Variants in L1TD1 observed in about 807,000 individuals in gnomAD.
L1TD1 encodes LINE1 type transposase domain containing 1.
L1TD1 carries 26 observed loss-of-function variants against 25.7 expected under a neutral mutation model. The ratio of observed to expected loss-of-function variants is 1.01; its 90% CI spans 0.74 to 1.40. The LOEUF (loss-of-function observed/expected upper bound fraction) is 1.40. L1TD1 is among the 40% of genes most tolerant of loss of function. L1TD1 has a pLI of 0.00. For missense variants in L1TD1, 1,130 were observed against 975.0 expected (o/e 1.16, Z -2.12); for synonymous variants, 421 against 335.6 (o/e 1.25, Z -2.78).
rs1275472628 is a variant in L1TD1 at position 62,212,080 on chromosome 1, C to G, written c.*708C>G. ...GTAGGAAAACAGGAGGGGACAGTAACAGAAAAGCACGGGAAAAGATGGCAA... is the reference window on the plus strand; with the variant it reads ...GTAGGAAAACAGGAGGGGACAGTAAGAGAAAAGCACGGGAAAAGATGGCAA... On this transcript the variant is annotated 3_prime_UTR_variant, in exon 4 of 4. Transcript: ENST00000498273. The G allele has an allele frequency of 6.6e-6, 1 of 152,122 alleles. No homozygotes were observed. Among genetic ancestry groups the G allele is most frequent in the African/African-American group, 2.4e-5 (1 of 41,394 alleles). 9.4% of individuals were successfully genotyped at this position (152,122 alleles called of 1,614,324 possible). A position where few individuals can be genotyped will look rare whatever the true frequency, so the allele number is the denominator to read the frequency against.
intron 2 of L1TD1, among the ~76,000 whole-genome samples, chr1:62,205,453 A>T (rs1452582849): frequency 1.4e-4 from 6 of 44,212 alleles, no homozygotes; most frequent in African/African-American, 2.6e-4. Flanking sequence ...ATTTTTTTTT[A>T]GACAGTCTTG....
chr1:62,202,998 A>G (rs1435168740), intron 2 of L1TD1, among the ~76,000 whole-genome samples: 1 of 151,894 alleles, frequency 6.6e-6, no homozygotes, highest in Admixed American at 6.6e-5. Context: ...TGTTTTTTAA[A>G]AAAACTGGAG....
intron 2 of L1TD1, among the ~76,000 whole-genome samples, chr1:62,205,374 T>TCTCTCC (rs1670716796): frequency 2.5e-5 from 2 of 79,506 alleles, no homozygotes; most frequent in African/African-American, 4.7e-5. Context: ...AAACTCTCTT[T>TCTCTCC]CTCTCTCTCT....
Position 62,211,541 on chromosome 1 carries a change from ATGTTT to A in L1TD1, c.*170_*174del. 8.6e-7 allele frequency: 1 copy of A among 1,156,838 alleles called. No homozygotes were observed. The highest frequency in any genetic ancestry group is 1.2e-6 in the Non-Finnish European group (1 of 863,262). 71.7% of individuals were successfully genotyped at this position (1,156,838 alleles called of 1,614,324 possible). On this transcript the variant is annotated 3_prime_UTR_variant, in exon 4 of 4. Transcript: ENST00000498273. ...TATTACCTAGATGTTAATAAAGGGT[ATGTTT>A]AAAAAAAATAGGCTGGTCTCAATGT... is the stretch of plus-strand genomic sequence containing the variant.
Position 62,210,455 on chromosome 1 carries a change from T to C in L1TD1, c.1681T>C (p.Ser561Pro). 2 of 1,614,132 alleles carry C rather than the reference T, an allele frequency of 1.2e-6. No homozygotes were observed. The highest frequency in any genetic ancestry group is 1.7e-6 in the Non-Finnish European group (2 of 1,180,030). Residue 561 changes from serine to proline, a missense_variant, in exon 4 of 4, where the codon TCA becomes CCA. By Grantham distance (74) the Ser-to-Pro change is moderately conservative. Transcript: ENST00000498273. ...CTTATGTTTGGCCTCTCCCTCAAAGTCACTAGAGATGAGTCATGATGAGCA... is the reference window on the plus strand; with the variant it reads ...CTTATGTTTGGCCTCTCCCTCAAAGCCACTAGAGATGAGTCATGATGAGCA... Reference protein sequence around the residue: ...LTLCLASPSKSLEMSHDEHKK... With the variant: ...LTLCLASPSKPLEMSHDEHKK...
intron 2 of L1TD1, among the ~76,000 whole-genome samples, chr1:62,204,249 T>C (rs1045358207): frequency 6.6e-6 from 1 of 152,164 alleles, no homozygotes; most frequent in African/African-American, 2.4e-5. Flanking sequence ...CGCATCTCTT[T>C]TGGTTTCTTG....
chr1:62,210,159 G>T lies in L1TD1; in HGVS notation c.1385G>T (p.Ser462Ile). 1 of 1,614,108 alleles carries T rather than the reference G, an allele frequency of 6.2e-7. No homozygotes were observed. Among genetic ancestry groups the T allele is most frequent in the South Asian group, 1.1e-5 (1 of 91,082 alleles). The change falls in exon 4 of 4, where the codon AGT (serine) becomes ATT (isoleucine). Residue 462 changes from serine (S) to isoleucine (I), a missense_variant. Coordinates refer to ENST00000498273, the MANE Select transcript of L1TD1 (RefSeq NM_019079.5). Reference sequence around the variant, plus strand: ...GCAAAGCATGAAGTTGAGATAACCAGTGATGGCATGGAAACTACTTTCATT... The same window carrying T: ...GCAAAGCATGAAGTTGAGATAACCATTGATGGCATGGAAACTACTTTCATT... ...VDAKHEVEITSDGMETTFIDS... is the reference protein window; with the variant it reads ...VDAKHEVEITIDGMETTFIDS...
chr1:62,209,426 A>G (rs571027276), intron 3 of L1TD1, among the ~76,000 whole-genome samples: 2 of 152,184 alleles, frequency 1.3e-5, no homozygotes, highest in South Asian at 4.2e-4. Context: ...CCTATTTACC[A>G]TAGGACTCTC....
chr1:62,196,292 C>T (rs1447300558), intron 1 of L1TD1, 143 bp from the exon 2 acceptor site: 1 of 152,204 alleles, frequency 6.6e-6, no homozygotes, highest in Non-Finnish European at 1.5e-5. Context: ...GACTTACACC[C>T]CAGACTCTGC....
Position 62,207,618 on chromosome 1 carries a change from T to G in L1TD1, c.990T>G (p.Tyr330Ter), listed in dbSNP as rs941522486. ...AAATAAATCAAGGAGGAAGAAAATA[T>G]GGAATTCAAGAAAAAAGGGTAAGCA... ...KEEINQGGRK[Y>*]GIQEKRDKTL... Residue 330 changes from tyrosine to a stop codon, truncating the protein, a stop_gained, in exon 3 of 4, where the codon TAT becomes TAG. Transcript: ENST00000498273. LOFTEE classifies it low-confidence loss of function (END_TRUNC). 7.2e-6 allele frequency: 11 copies of G among 1,534,556 alleles called. No homozygotes were observed. The East Asian group carries it at 2.7e-4, about 38-fold the overall frequency.
rs1284359832 is a variant in L1TD1, at chr1:62,211,404, C to T, written c.*32C>T. The T allele has an allele frequency of 2.6e-6, 4 of 1,534,322 alleles. No homozygotes were observed. Among genetic ancestry groups the T allele is most frequent in the Non-Finnish European group, 2.6e-6 (3 of 1,145,252 alleles). On this transcript the variant is annotated 3_prime_UTR_variant, in exon 4 of 4. Coordinates refer to ENST00000498273, the MANE Select transcript of L1TD1 (RefSeq NM_019079.5). The stretch of plus-strand genomic sequence containing the variant: ...AGGGTGACTACAAACAATATGCTTT[C>T]CTCCCCCAGCATGCATCCAAAAATC...
At position 62,210,460 on chromosome 1, in the gene L1TD1, A is replaced by G. The variant is rs1419841671; in HGVS notation, c.1686A>G (p.Leu562=). ...GTTTGGCCTCTCCCTCAAAGTCACT[A>G]GAGATGAGTCATGATGAGCATAAAA... ...TLCLASPSKS[L]EMSHDEHKKH... is the part of the protein sequence containing the mutation. Residue 562 remains leucine (L), a synonymous_variant, in exon 4 of 4, where the codon CTA becomes CTG. Transcript: ENST00000498273. The G allele has an allele frequency of 5.6e-6, 9 of 1,614,072 alleles. No homozygotes were observed. The highest frequency in any genetic ancestry group is 6.8e-6 in the Non-Finnish European group (8 of 1,180,044).
In L1TD1 at chr1:62,211,198, C is replaced by G. The variant is rs1342259181; in HGVS notation, c.2424C>G (p.Ser808Arg). The change falls in exon 4 of 4, where the codon AGC (serine) becomes AGG (arginine). Residue 808 changes from serine (S) to arginine (R), a missense_variant. Coordinates refer to ENST00000498273, the MANE Select transcript of L1TD1 (RefSeq NM_019079.5). ...LDTLDARSKWSNVFKVLLEKG... is the reference protein window; with the variant it reads ...LDTLDARSKWRNVFKVLLEKG... The stretch of plus-strand genomic sequence containing the variant: ...CACTGGATGCTAGAAGTAAATGGAG[C>G]AATGTCTTCAAAGTTCTGCTGGAAA... 3.9e-6 allele frequency: 6 copies of G among 1,552,636 alleles called. No individual in the cohort carries two copies. The African/African-American group carries it at 5.5e-5, about 14-fold the overall frequency.
At chr1:62,201,543 A>T (rs1305901061) in intron 2 of L1TD1, among the ~76,000 whole-genome samples, 1 of 151,404 alleles carries the variant, frequency 6.6e-6, no homozygotes, top group Non-Finnish European at 1.5e-5. Flanking sequence ...AAAAGTAAGA[A>T]CTCATCACCT....
Position 62,206,962 on chromosome 1 carries a change from A to C in L1TD1, c.334A>C (p.Lys112Gln). 1.2e-6 allele frequency: 2 copies of C among 1,613,664 alleles called. No homozygotes were observed. Among genetic ancestry groups the C allele is most frequent in the Non-Finnish European group, 1.7e-6 (2 of 1,179,892 alleles). ...GCAAATAATCAATTTAGCATTACAA[A>C]AAACAGGGATGGTAGGGAAAATAGA... ...FQQIINLALQ[K>Q]TGMVGKIEGE... Residue 112 changes from lysine to glutamine, a missense_variant, in exon 3 of 4, where the codon AAA (lysine) becomes CAA (glutamine). Coordinates refer to ENST00000498273, the MANE Select transcript of L1TD1 (RefSeq NM_019079.5).
At chr1:62,197,430 T>C (rs1670565785) in intron 2 of L1TD1, among the ~76,000 whole-genome samples, 1 of 143,488 alleles carries the variant, frequency 7.0e-6, no homozygotes, top group East Asian at 2.0e-4. Context: ...TATATATATA[T>C]ATAGTTTAGT....
chr1:62,206,494 A>T, intron 2 of L1TD1, 25 bp from the exon 3 acceptor site: 1 of 906,882 alleles, frequency 1.1e-6, no homozygotes, highest in Non-Finnish European at 1.5e-6. Flanking sequence ...TTTAGTAAGT[A>T]ATTTTTCATT....
rs1382668313 is a variant in L1TD1, at chr1:62,211,338, C to T, written c.2564C>T (p.Thr855Ile). The T allele has an allele frequency of 6.2e-7, 1 of 1,609,874 alleles. No homozygotes were observed. The highest frequency in any genetic ancestry group is 1.7e-5 in the Admixed American group (1 of 59,168). The change falls in exon 4 of 4, where the codon ACC (threonine) becomes ATC (isoleucine). Residue 855 changes from threonine (T) to isoleucine (I), a missense_variant. Thr to Ile is a moderately conservative substitution (Grantham distance 89). Coordinates refer to ENST00000498273, the MANE Select transcript of L1TD1 (RefSeq NM_019079.5). ...AGAGATTATGTTTTGCATATGCCCA[C>T]CTTGAGAGAATTACTGGGGAATAAT... ...EFRDYVLHMP[T>I]LRELLGNNIP is the part of the protein sequence containing the mutation.
At chr1:62,205,021 C>A (rs1670707803) in intron 2 of L1TD1, among the ~76,000 whole-genome samples, 2 of 152,060 alleles carry the variant, frequency 1.3e-5, no homozygotes, top group Admixed American at 1.3e-4. Context: ...CTGCCTTCAC[C>A]AGGGAAGCCT....
Sources: gnomAD v4.1 joint callset for allele counts (sites outside exome capture counted in the v4.1 genomes callset) on GRCh38, gnomAD v4.1.1 for gene constraint, MANE v1.5 for transcripts, NCBI Gene and HGNC (gene_info 2026-07-23, HGNC 2026-07-21) for gene names.